ATOSB: variants seen among roughly 807,000 people sequenced by gnomAD.
The protein encoded by ATOSB is atos homolog protein B.
chr9:35,108,734 G>T, the ATOSB span: 1 of 980,724 alleles, frequency 1.0e-6, no homozygotes. Flanking sequence ...AGCTCAGCAG[G>T]ACCCTGAGGA....
chr9:35,114,304 G>A, the ATOSB span, among the ~76,000 whole-genome samples: 2 of 152,174 alleles, frequency 1.3e-5, no homozygotes, highest in Non-Finnish European at 2.9e-5. Flanking sequence ...ATAGCAATCA[G>A]CTCCTCCTCA....
the ATOSB span, chr9:35,111,337 CCCTCCCCTTGGTTCCCCGGT>C: frequency 6.3e-6 from 1 of 159,810 alleles, no homozygotes; most frequent in Non-Finnish European, 1.4e-5. Flanking sequence ...CCGTCCCGGT[CCCTCCCCTTGGTTCCCCGGT>C]CCTCCCTGCC....
chr9:35,110,717 A>T, the ATOSB span: 1 of 152,288 alleles, frequency 6.6e-6, no homozygotes, highest in South Asian at 2.1e-4. Context: ...AAAAACAACA[A>T]GTCCCAGAAT....
At chr9:35,107,932 T>G in the ATOSB span, 1 of 1,602,562 alleles carries the variant, frequency 6.2e-7, no homozygotes, top group African/African-American at 1.3e-5. Flanking sequence ...AAATGCTGGC[T>G]GGCCACACCT....
At chr9:35,112,902 C>T in the ATOSB span, among the ~76,000 whole-genome samples, 2 of 152,116 alleles carry the variant, frequency 1.3e-5, no homozygotes, top group East Asian at 3.9e-4. Flanking sequence ...TCCCCCTAGT[C>T]CCTCAGTCCT....
the ATOSB span, chr9:35,107,510 A>G: frequency 6.2e-7 from 1 of 1,603,618 alleles, no homozygotes; most frequent in Non-Finnish European, 8.5e-7. Flanking sequence ...CCTCTTCCTC[A>G]GAGCTGACAT....
At chr9:35,111,989 G>A in the ATOSB span, among the ~76,000 whole-genome samples, 2 of 152,136 alleles carry the variant, frequency 1.3e-5, no homozygotes, top group Non-Finnish European at 2.9e-5. Flanking sequence ...CTCAAAGTCT[G>A]CCTGCTGTCT....
chr9:35,108,798 C>A, the ATOSB span: 1 of 456,536 alleles, frequency 2.2e-6, no homozygotes, highest in Non-Finnish European at 2.9e-6. Flanking sequence ...GGCCTGTCAC[C>A]AATTATAGGC....
the ATOSB span, chr9:35,107,021 A>G: frequency 2.5e-6 from 2 of 808,766 alleles, no homozygotes; most frequent in Non-Finnish European, 2.0e-6. Context: ...ACAAATATCC[A>G]CTTAAGAGTA....
At chr9:35,108,542 T>G in the ATOSB span, 1 of 1,220,608 alleles carries the variant, frequency 8.2e-7, no homozygotes, top group Non-Finnish European at 1.0e-6. Flanking sequence ...GTGACAGGTT[T>G]AGCTCAGGCT....
chr9:35,107,583 C>A, the ATOSB span: 1 of 1,587,530 alleles, frequency 6.3e-7, no homozygotes, highest in Non-Finnish European at 8.6e-7. Context: ...GGGTCCAGGG[C>A]CAGGGGGTGT....
At chr9:35,108,462 A>G in the ATOSB span, 1 of 1,351,006 alleles carries the variant, frequency 7.4e-7, no homozygotes. Context: ...TGGGTTCCCA[A>G]GGATGAATGT....
At chr9:35,105,724 G>A in the ATOSB span, 14 of 1,614,008 alleles carry the variant, frequency 8.7e-6, no homozygotes, top group Middle Eastern at 1.7e-4. This position sits in a 1 kb window ranked among gnomAD's most constrained non-coding sequence, Gnocchi z 5.5. Flanking sequence ...GGTGGGGTTA[G>A]CATTTCCCTC....
chr9:35,104,953 A>G, the ATOSB span: 2 of 326,848 alleles, frequency 6.1e-6, no homozygotes. Flanking sequence ...GGAACTTGAG[A>G]AAATCTCAGG....
the ATOSB span, chr9:35,108,038 C>A: frequency 1.3e-6 from 2 of 1,540,962 alleles, no homozygotes; most frequent in Non-Finnish European, 1.7e-6. Context: ...GGCCTCTCTT[C>A]AGCTCCCGGG....
the ATOSB span, chr9:35,106,188 TG>T: frequency 6.2e-7 from 1 of 1,604,068 alleles, no homozygotes; most frequent in Non-Finnish European, 8.5e-7. This position sits in a 1 kb window ranked among gnomAD's most constrained non-coding sequence, Gnocchi z 4.6. Flanking sequence ...TCTTGCCCCC[TG>T]GCCCCGCCCC....
chr9:35,114,552 T>C, the ATOSB span, among the ~76,000 whole-genome samples: 1 of 152,024 alleles, frequency 6.6e-6, no homozygotes, highest in Admixed American at 6.6e-5. Context: ...CTCCATCAAA[T>C]CCCCTCAGGG....
At chr9:35,107,926 G>A in the ATOSB span, 1 of 1,600,340 alleles carries the variant, frequency 6.2e-7, no homozygotes. Flanking sequence ...TGGGAGAAAT[G>A]CTGGCTGGCC....
At chr9:35,108,434 C>T in the ATOSB span, 1 of 1,394,410 alleles carries the variant, frequency 7.2e-7, no homozygotes, top group African/African-American at 1.5e-5. Context: ...CTCTCCTTGC[C>T]TAAAGGGGTG....
Sources: allele counts gnomAD v4.1 joint callset (sites outside exome capture counted in the v4.1 genomes callset), GRCh38; gene constraint gnomAD v4.1.1; non-coding constraint Gnocchi (gnomAD v3.1); transcripts MANE v1.5; gene names NCBI Gene and HGNC (gene_info 2026-07-23, HGNC 2026-07-21).